SLMAP: variants seen among roughly 807,000 people sequenced by gnomAD.
SLMAP encodes the protein sarcolemma associated protein.
SLMAP carries 44 observed loss-of-function variants against 128.8 expected under a neutral mutation model. The ratio of observed to expected loss-of-function variants is 0.34; its 90% CI spans 0.27 to 0.44. SLMAP has a LOEUF of 0.44. Ranked by LOEUF, SLMAP falls within the 20% of genes least tolerant of loss-of-function variation. The pLI, the probability that SLMAP is intolerant of heterozygous loss-of-function variation, is 1.00. For synonymous variants in SLMAP, 327 were observed against 348.8 expected, an observed-to-expected ratio of 0.94 and a Z score of 0.70; for missense variants, 787 against 985.3, an observed-to-expected ratio of 0.80 and a Z score of 2.69.
intron 2 of SLMAP, among the ~76,000 whole-genome samples, chr3:57,793,689 A>G (rs1043390244): frequency 6.6e-6 from 1 of 152,144 alleles, no homozygotes; most frequent in South Asian, 2.1e-4. Flanking sequence ...AAATCTGCCC[A>G]TATCTCCTTC....
At chr3:57,777,352 A>ACAAG (rs1553776223) in intron 2 of SLMAP, among the ~76,000 whole-genome samples, 1 of 151,578 alleles carries the variant, frequency 6.6e-6, no homozygotes, top group African/African-American at 2.4e-5. Context: ...GGAGGCTATA[A>ACAAG]TAATTTACAG....
chr3:57,856,193 AGCCTGGGT>A (rs1476724879), intron 6 of SLMAP, among the ~76,000 whole-genome samples: 1 of 152,170 alleles, frequency 6.6e-6, no homozygotes, highest in Non-Finnish European at 1.5e-5. Flanking sequence ...ACAGCACTCC[AGCCTGGGT>A]GACAGACCTA....
rs569046090 is a variant in SLMAP at position 57,790,426 on chromosome 3, G to A, written c.198+32577G>A. On this transcript the variant is annotated intron_variant, in intron 2 of 24. Transcript: ENST00000671191. Reference sequence around the variant, plus strand: ...ATGAACACCTGACTTTTAAAGAAGGGTTATAAGAGCTTATAAACCAAGGTT... The same window carrying A: ...ATGAACACCTGACTTTTAAAGAAGGATTATAAGAGCTTATAAACCAAGGTT... Among the ~76,000 whole-genome samples, 10 of 152,078 alleles carry A rather than the reference G, an allele frequency of 6.6e-5. No homozygotes were observed. The East Asian group carries it at 1.9e-3, about 29-fold the overall frequency.
At chr3:57,908,679 G>A (rs2153684211) in intron 18 of SLMAP, among the ~76,000 whole-genome samples, 1 of 152,192 alleles carries the variant, frequency 6.6e-6, no homozygotes, top group African/African-American at 2.4e-5. Flanking sequence ...AAATTACAAT[G>A]AAAAAATATT....
rs1006229578 is a variant in SLMAP, at chr3:57,772,723, C to T, written c.198+14874C>T. 2.6e-5 allele frequency among the ~76,000 whole-genome samples: 4 copies of T among 152,224 alleles called. No individual in the cohort carries two copies. The South Asian group carries it at 6.2e-4, about 24-fold the overall frequency. Reference sequence around the variant, plus strand: ...TGGCATGATCTCGGCTCACCGCAACCTTTGCCTCCCAGGTTTAATCGATTC... The same window carrying T: ...TGGCATGATCTCGGCTCACCGCAACTTTTGCCTCCCAGGTTTAATCGATTC... On this transcript the variant is annotated intron_variant, in intron 2 of 24. Coordinates refer to ENST00000671191, the MANE Select transcript of SLMAP (RefSeq NM_001377540.1).
intron 2 of SLMAP, among the ~76,000 whole-genome samples, chr3:57,793,715 G>C (rs1299389470): frequency 1.3e-5 from 2 of 152,024 alleles, no homozygotes; most frequent in Non-Finnish European, 2.9e-5. Flanking sequence ...TATGAATTTA[G>C]ATAATATATG....
intron 6 of SLMAP, among the ~76,000 whole-genome samples, chr3:57,856,582 A>C (rs1227545613): frequency 6.6e-6 from 1 of 152,170 alleles, no homozygotes; most frequent in Admixed American, 6.5e-5. Context: ...AGTAACATGC[A>C]TGGAGCTGTC....
chr3:57,917,779 A>C (rs191975697), intron 22 of SLMAP: 1 of 152,562 alleles, frequency 6.6e-6, no homozygotes, highest in East Asian at 1.9e-4. Flanking sequence ...TGCTGGCCTC[A>C]TACCACTCCC....
intron 14 of SLMAP, among the ~76,000 whole-genome samples, chr3:57,873,566 A>G (rs1249458111): frequency 6.6e-6 from 1 of 152,194 alleles, no homozygotes; most frequent in Non-Finnish European, 1.5e-5. Context: ...AGATTAGTAC[A>G]TCTTTTTGTT....
chr3:57,866,887 A>T (rs1357757443), intron 13 of SLMAP, among the ~76,000 whole-genome samples: 3 of 152,088 alleles, frequency 2.0e-5, no homozygotes, highest in Admixed American at 1.3e-4. Context: ...AAAAAAAAAA[A>T]TCATGTCCGG....
At position 57,847,244 on chromosome 3, in the gene SLMAP, A is replaced by G. The variant is rs770780166; in HGVS notation, c.456+11A>G. The G allele has an allele frequency of 6.2e-7, 1 of 1,604,664 alleles. No homozygotes were observed. The highest frequency in any genetic ancestry group is 1.7e-5 in the Admixed American group (1 of 59,638). On this transcript the variant is annotated intron_variant, in intron 5 of 24. Coordinates refer to ENST00000671191, the MANE Select transcript of SLMAP (RefSeq NM_001377540.1). Reference sequence around the variant, plus strand: ...AGTCCTGTTGACAAAGTAAGTTGCTAATGATTATTTTTTCCAAACTGACTC... The same window carrying G: ...AGTCCTGTTGACAAAGTAAGTTGCTGATGATTATTTTTTCCAAACTGACTC...
At chr3:57,877,360 G>T (rs978644889) in intron 14 of SLMAP, among the ~76,000 whole-genome samples, 1 of 152,092 alleles carries the variant, frequency 6.6e-6, no homozygotes, top group Non-Finnish European at 1.5e-5. Context: ...TGTGAGGTCA[G>T]CCTCTCAGAA....
chr3:57,915,502 C>T (rs1011727274), intron 21 of SLMAP, among the ~76,000 whole-genome samples: 1 of 152,220 alleles, frequency 6.6e-6, no homozygotes, highest in African/African-American at 2.4e-5. Flanking sequence ...TCTTCCTTTA[C>T]AGGGTCTTAT....
intron 14 of SLMAP, among the ~76,000 whole-genome samples, chr3:57,885,068 GA>G (rs1300039390): frequency 6.8e-6 from 1 of 147,730 alleles, no homozygotes; most frequent in Non-Finnish European, 1.5e-5. Flanking sequence ...GTAAGAAGCA[GA>G]AATTTTTTTT....
chr3:57,767,100 G>C (rs755064385), intron 2 of SLMAP, among the ~76,000 whole-genome samples: 1 of 151,804 alleles, frequency 6.6e-6, no homozygotes, highest in Non-Finnish European at 1.5e-5. Flanking sequence ...TGTATTTTTA[G>C]TAGAGATGGG....
At chr3:57,890,973 C>G (rs1235466462) in intron 15 of SLMAP, 14 of 152,034 alleles carry the variant, frequency 9.2e-5, no homozygotes, top group Admixed American at 9.2e-4. Flanking sequence ...GAATTTTGTG[C>G]ACGGCAGATG....
intron 2 of SLMAP, among the ~76,000 whole-genome samples, chr3:57,812,151 C>T (rs989104021): frequency 1.5e-4 from 23 of 152,082 alleles, no homozygotes; most frequent in African/African-American, 4.3e-4. Flanking sequence ...CTGCCAAATC[C>T]AATGTTGTGA....
chr3:57,761,539 C>G (rs2078637391), intron 2 of SLMAP, among the ~76,000 whole-genome samples: 1 of 151,904 alleles, frequency 6.6e-6, no homozygotes, highest in Non-Finnish European at 1.5e-5. Flanking sequence ...AGGTGATCCA[C>G]TTGCCTCGGC....
chr3:57,889,751 A>G (rs1248500770), intron 14 of SLMAP, among the ~76,000 whole-genome samples: 1 of 152,192 alleles, frequency 6.6e-6, no homozygotes, highest in African/African-American at 2.4e-5. Context: ...TCTAAAGAGG[A>G]TTGCTTTATT....
Sources: gnomAD v4.1 joint callset for allele counts (sites outside exome capture counted in the v4.1 genomes callset) on GRCh38, gnomAD v4.1.1 for gene constraint, MANE v1.5 for transcripts, NCBI Gene and HGNC (gene_info 2026-07-23, HGNC 2026-07-21) for gene names.